The following NUSAP1 variants were observed in gnomAD, a reference collection of about 807,000 sequenced individuals.
NUSAP1 encodes nucleolar and spindle-associated protein 1.
NUSAP1 carries 32 observed loss-of-function variants against 52.8 expected under a neutral mutation model. The ratio of observed to expected loss-of-function variants is 0.61; its 90% CI spans 0.46 to 0.81. The LOEUF (loss-of-function observed/expected upper bound fraction) is 0.81. NUSAP1 is among the 40% of genes least tolerant of loss of function. The pLI is 0.00. For missense variants in NUSAP1, 499 were observed against 522.3 expected, an observed-to-expected ratio of 0.96 and a Z score of 0.43; for synonymous variants, 195 against 183.1, an observed-to-expected ratio of 1.06 and a Z score of -0.52.
intron 1 of NUSAP1, among the ~76,000 whole-genome samples, chr15:41,337,583 C>T (rs1021232092): frequency 6.6e-6 from 1 of 152,214 alleles, no homozygotes; most frequent in Non-Finnish European, 1.5e-5. Context: ...CCCATGTCCT[C>T]ATTCCATCTA....
In NUSAP1 at chr15:41,340,046, T is replaced by C. The variant is rs188994972; in HGVS notation, c.94-2340T>C. On this transcript the variant is annotated intron_variant, in intron 1 of 10. Coordinates refer to ENST00000559596, the MANE Select transcript of NUSAP1 (RefSeq NM_016359.5). ...CCTCGGCCTCCCAAAGTGCTAGGAT[T>C]ACAGGCATTAGTCACTGTACCTGGC... is the stretch of plus-strand genomic sequence containing the variant. Among the ~76,000 whole-genome samples, 15 of 152,316 alleles carry C rather than the reference T, an allele frequency of 9.8e-5. No homozygotes were observed. The East Asian group carries it at 2.9e-3, about 29-fold the overall frequency.
rs188535804 is a variant in NUSAP1 at position 41,377,425 on chromosome 15, T to C, written c.1232+121T>C. 1.5e-3 allele frequency: 812 copies of C among 528,798 alleles called. 5 individuals are homozygous for C. Among genetic ancestry groups the C allele is most frequent in the African/African-American group, 0.014 (669 of 49,462 alleles). The allele number at this position is 528,798 out of a possible 1,614,324, so 32.8% of individuals were successfully genotyped here. ...GGTTAGAAGTGGTATTATGGCCGTG[T>C]GCGGTGGCTCACGCCTGTAATCCCA... On this transcript the variant is annotated intron_variant, in intron 10 of 10. Coordinates refer to ENST00000559596, the MANE Select transcript of NUSAP1 (RefSeq NM_016359.5).
intron 7 of NUSAP1, 136 bp downstream of exon 7, chr15:41,365,725 T>C: frequency 5.0e-6 from 1 of 198,598 alleles, no homozygotes. Flanking sequence ...TTTCTTTTTC[T>C]TTTTTTTTTT....
intron 7 of NUSAP1, among the ~76,000 whole-genome samples, chr15:41,367,166 C>T (rs73404995): frequency 0.087 from 13,187 of 152,266 alleles, 725 homozygotes; most frequent in African/African-American, 0.16. Flanking sequence ...ACAACGCTGC[C>T]TCTCAGGCCC....
intron 6 of NUSAP1, 139 bp downstream of exon 6, chr15:41,358,397 C>CT: frequency 1.8e-6 from 1 of 561,302 alleles, no homozygotes; most frequent in East Asian, 3.3e-5. Context: ...TTATCTAAAA[C>CT]TTGCTTTCCC....
rs370238542 is a variant in NUSAP1, at chr15:41,349,222, G to A, written c.287G>A (p.Arg96His). ...ACAAGGAGAAGGTGCAAGACTGTCC[G>A]TGTGGACCCTGACTCACAGGTGAAT... The part of the protein sequence containing the change: ...TKTRRRCKTV[R>H]VDPDSQQNHS... The change falls in exon 3 of 11, where the codon CGT becomes CAT. Residue 96 changes from arginine to histidine, a missense_variant. Arg to His is a conservative substitution (Grantham distance 29). Transcript: ENST00000559596. The A allele has an allele frequency of 7.4e-6, 12 of 1,613,338 alleles. No individual in the cohort carries two copies. Among genetic ancestry groups the A allele is most frequent in the African/African-American group, 2.7e-5 (2 of 74,908 alleles).
intron 6 of NUSAP1, among the ~76,000 whole-genome samples, chr15:41,363,054 A>G (rs2049241163): frequency 6.6e-6 from 1 of 151,984 alleles, no homozygotes; most frequent in Admixed American, 6.6e-5. Context: ...TGGGAGGCTG[A>G]GGTGGGTGGA....
At chr15:41,374,527 G>A (rs924849367) in intron 8 of NUSAP1, among the ~76,000 whole-genome samples, 1 of 152,020 alleles carries the variant, frequency 6.6e-6, no homozygotes, top group African/African-American at 2.4e-5. Flanking sequence ...AAACATTCAA[G>A]CTATAACTTT....
chr15:41,342,865 T>A (rs1375520205), intron 2 of NUSAP1, among the ~76,000 whole-genome samples: 1 of 152,062 alleles, frequency 6.6e-6, no homozygotes, highest in Non-Finnish European at 1.5e-5. Context: ...ATATGCTGTT[T>A]ATTAAAAAAG....
intron 5 of NUSAP1, among the ~76,000 whole-genome samples, chr15:41,356,999 C>T (rs1161601551): frequency 6.6e-6 from 1 of 152,144 alleles, no homozygotes; most frequent in Non-Finnish European, 1.5e-5. Flanking sequence ...TTGGGGTCAG[C>T]AAACTGTTGC....
chr15:41,380,016 T>C, intron 10 of NUSAP1, 77 bp from the exon 11 acceptor site: 1 of 1,013,954 alleles, frequency 9.9e-7, no homozygotes, highest in Non-Finnish European at 1.5e-6. Flanking sequence ...AGTTTGGGTG[T>C]TAGTCCAACA....
chr15:41,364,267 G>T (rs2049298336), intron 6 of NUSAP1, among the ~76,000 whole-genome samples: 2 of 152,160 alleles, frequency 1.3e-5, no homozygotes, highest in African/African-American at 2.4e-5. Context: ...GTCTGGCTAG[G>T]CTGGGCGTGG....
In NUSAP1 at chr15:41,332,932, G is replaced by A; in HGVS notation, c.-26G>A. The A allele has an allele frequency of 6.4e-7, 1 of 1,568,598 alleles. No homozygotes were observed. The highest frequency in any genetic ancestry group is 1.1e-5 in the South Asian group (1 of 87,762). On this transcript the variant is annotated 5_prime_UTR_variant, in exon 1 of 11. Transcript: ENST00000559596. ...GACGAAGTTTGGTGATCCATCTTCC[G>A]AGTATCGCCGGGATTTCGAATCGCG...
Position 41,378,944 on chromosome 15 carries a change from GTTTTT to G in NUSAP1, c.1233-1126_1233-1122del, listed in dbSNP as rs1187469450. On this transcript the variant is annotated intron_variant, in intron 10 of 10. Coordinates refer to ENST00000559596, the MANE Select transcript of NUSAP1 (RefSeq NM_016359.5). The stretch of plus-strand genomic sequence containing the variant: ...CCCAAGATTATATTAACTTATCTTG[GTTTTT>G]TTTTTTTTTTTTTTTTTTTTTTGAG... Among the ~76,000 whole-genome samples, 111 of 63,246 alleles carry G rather than the reference GTTTTT, an allele frequency of 1.8e-3. 1 individual carries two copies. The highest frequency in any genetic ancestry group is 2.4e-3 in the Non-Finnish European group (89 of 36,610). 41.5% of individuals were successfully genotyped at this position (63,246 alleles called of 152,430 possible).
At chr15:41,335,294 A>G (rs1043117462) in intron 1 of NUSAP1, among the ~76,000 whole-genome samples, 4 of 145,762 alleles carry the variant, frequency 2.7e-5, no homozygotes, top group African/African-American at 1.0e-4. Context: ...ACTAGTATAA[A>G]TATATAATAT....
intron 8 of NUSAP1, among the ~76,000 whole-genome samples, chr15:41,372,402 G>T (rs2049738232): frequency 6.6e-6 from 1 of 152,206 alleles, no homozygotes; most frequent in South Asian, 2.1e-4. Flanking sequence ...TTTCAGTGGT[G>T]TGGGTATATG....
chr15:41,336,683 G>A (rs571498057), intron 1 of NUSAP1, among the ~76,000 whole-genome samples: 129 of 75,178 alleles, frequency 1.7e-3, no homozygotes, highest in Non-Finnish European at 3.1e-3. Context: ...ATAAGGTCTC[G>A]CTCTGTTGCC....
At chr15:41,333,889 G>C (rs556244839) in intron 1 of NUSAP1, among the ~76,000 whole-genome samples, 1 of 152,282 alleles carries the variant, frequency 6.6e-6, no homozygotes, top group African/African-American at 2.4e-5. Flanking sequence ...TCCAACTTCG[G>C]TGACAGAGAG....
chr15:41,348,675 T>C (rs1326066348), intron 2 of NUSAP1, among the ~76,000 whole-genome samples: 2 of 152,226 alleles, frequency 1.3e-5, no homozygotes, highest in Non-Finnish European at 2.9e-5. Flanking sequence ...GTTTCGTTCT[T>C]GTTGCCCAGG....
Sources: allele counts gnomAD v4.1 joint callset (sites outside exome capture counted in the v4.1 genomes callset), GRCh38; gene constraint gnomAD v4.1.1; transcripts MANE v1.5; gene names NCBI Gene and HGNC (gene_info 2026-07-23, HGNC 2026-07-21).